Variants in BPTF observed in about 807,000 individuals in gnomAD.
BPTF encodes nucleosome-remodeling factor subunit BPTF.
A neutral mutation model predicts 292.5 loss-of-function variants in BPTF; 18 were observed. The ratio of observed to expected loss-of-function variants is 0.06; its 90% CI spans 0.04 to 0.09. The LOEUF is 0.09. Among genes scored for constraint, BPTF ranks in the 10% least tolerant of loss-of-function variants. The probability of loss-of-function intolerance (pLI) is 1.00; values close to 1 mark genes in which losing one functional copy is unlikely to be tolerated. For missense variants in BPTF, 2,726 were observed against 3,498.7 expected, an observed-to-expected ratio of 0.78 and a Z score of 5.57; for synonymous variants, 1,225 against 1,251.9, an observed-to-expected ratio of 0.98 and a Z score of 0.45.
At chr17:67,920,791 AT>A (rs2063379836) in intron 13 of BPTF, among the ~76,000 whole-genome samples, 1 of 152,216 alleles carries the variant, frequency 6.6e-6, no homozygotes, top group African/African-American at 2.4e-5. Context: ...TACTTAGAAA[AT>A]TCATGAGAAT....
Position 67,877,657 on chromosome 17 carries a change from C to G in BPTF, c.1864+2637C>G, listed in dbSNP as rs567091449. ...TTTTTGAGAGAGAGTCTCACTCTTT[C>G]ACCCAGGCTGGAGTACAGTGACGTG... On this transcript the variant is annotated intron_variant, in intron 4 of 27. Coordinates refer to ENST00000306378, the MANE Select transcript of BPTF (RefSeq NM_182641.4). Among the ~76,000 whole-genome samples the G allele has an allele frequency of 7.0e-4, 107 of 152,192 alleles. 1 individual carries two copies. Among genetic ancestry groups the G allele is most frequent in the African/African-American group, 2.4e-3 (98 of 41,534 alleles).
chr17:67,866,556 A>G lies in BPTF; in HGVS notation c.1529A>G (p.Asp510Gly), dbSNP rs1195176936. Residue 510 changes from aspartate (D) to glycine (G), a missense_variant, in exon 3 of 28, where the codon GAT becomes GGT. Asp to Gly is a moderately conservative substitution (Grantham distance 94). Transcript: ENST00000306378. ...GAATTAATTGACTGTCTAGACAAAG[A>G]TTATTGGGAAGCAGAACTCTGCAAA... ...LAELIDCLDK[D>G]YWEAELCKIL... The G allele has an allele frequency of 6.2e-7, 1 of 1,614,156 alleles. No individual in the cohort carries two copies. The highest frequency in any genetic ancestry group is 1.1e-5 in the South Asian group (1 of 91,088).
intron 1 of BPTF, 51 bp downstream of exon 1, chr17:67,826,388 T>G (rs754903159): frequency 7.2e-7 from 1 of 1,394,828 alleles, no homozygotes. Context: ...TCCTCTGCCC[T>G]CCCCCCTTGC....
intron 1 of BPTF, among the ~76,000 whole-genome samples, chr17:67,840,104 A>ATT (rs113437066): frequency 2.9e-5 from 4 of 139,230 alleles, no homozygotes; most frequent in Admixed American, 1.5e-4. Flanking sequence ...AAAAATACTG[A>ATT]TTTTTTTTTT....
rs2062681099 is a variant in BPTF, at chr17:67,911,938, A to G, written c.4054A>G (p.Lys1352Glu). ...AAACTGTGAGGACAGGCTGCCGGTC[A>G]AGGGGACTGAAGCAAATGGTAAAAA... ...TGNCEDRLPVKGTEANGKKPS... is the reference protein window; with the variant it reads ...TGNCEDRLPVEGTEANGKKPS... The change falls in exon 11 of 28, where the codon AAG becomes GAG. Residue 1352 changes from lysine (K) to glutamate (E), a missense_variant. Physicochemically the swap from Lys to Glu is moderately conservative, Grantham distance 56. Coordinates refer to ENST00000306378, the MANE Select transcript of BPTF (RefSeq NM_182641.4). 6.2e-7 allele frequency: 1 copy of G among 1,614,192 alleles called. No individual in the cohort carries two copies. The highest frequency in any genetic ancestry group is 1.6e-4 in the Middle Eastern group (1 of 6,062).
In BPTF at chr17:67,946,417, A is replaced by C. The variant is rs144428920; in HGVS notation, c.7617+92A>C. 41 of 1,503,914 alleles carry C rather than the reference A, an allele frequency of 2.7e-5. No homozygotes were observed. The African/African-American group carries it at 5.6e-4, about 21-fold the overall frequency. 93.2% of individuals were successfully genotyped at this position (1,503,914 alleles called of 1,614,324 possible). The stretch of plus-strand genomic sequence containing the variant: ...TGTTTGGTTGTGTTAGGTTTCCTAA[A>C]TGAGACAAAGTCATTAATGTTTAAA... On this transcript the variant is annotated intron_variant, in intron 21 of 27. Coordinates refer to ENST00000306378, the MANE Select transcript of BPTF (RefSeq NM_182641.4).
intron 25 of BPTF, chr17:67,966,248 T>C (rs1383502188): frequency 8.1e-6 from 2 of 246,232 alleles, no homozygotes; most frequent in Non-Finnish European, 1.6e-5. Context: ...TTTGAACCCA[T>C]CCCACCTGTT....
intron 7 of BPTF, among the ~76,000 whole-genome samples, chr17:67,900,699 T>C (rs2061773305): frequency 6.6e-6 from 1 of 152,110 alleles, no homozygotes; most frequent in African/African-American, 2.4e-5. Context: ...GATACTAATA[T>C]TTGATCTAGA....
intron 4 of BPTF, chr17:67,886,183 C>G (rs1323164517): frequency 6.2e-7 from 1 of 1,613,766 alleles, no homozygotes; most frequent in Non-Finnish European, 8.5e-7. Flanking sequence ...CTACCTCCAT[C>G]CAGCCTAATC....
chr17:67,966,112 G>A (rs1417541052), intron 25 of BPTF: 1 of 160,280 alleles, frequency 6.2e-6, no homozygotes, highest in Non-Finnish European at 1.4e-5. Context: ...TTCTCCTGTC[G>A]TTATCATAAT....
intron 7 of BPTF, among the ~76,000 whole-genome samples, chr17:67,898,921 C>G (rs548045223): frequency 2.5e-5 from 2 of 80,008 alleles, no homozygotes; most frequent in South Asian, 8.2e-4. Flanking sequence ...TACCCTGTCT[C>G]AAAAAAAAAA....
intron 24 of BPTF, among the ~76,000 whole-genome samples, chr17:67,961,854 A>T (rs1276613667): frequency 6.6e-6 from 1 of 152,094 alleles, no homozygotes; most frequent in Admixed American, 6.5e-5. Flanking sequence ...CACACCTGTA[A>T]TCCCAGCTAC....
At chr17:67,902,019 T>A (rs1160550718) in intron 7 of BPTF, among the ~76,000 whole-genome samples, 1 of 152,194 alleles carries the variant, frequency 6.6e-6, no homozygotes, top group Non-Finnish European at 1.5e-5. Flanking sequence ...TTGGACTTCG[T>A]TGGCCAAGAA....
intron 1 of BPTF, among the ~76,000 whole-genome samples, chr17:67,851,134 G>T (rs1230427506): frequency 6.6e-6 from 1 of 152,120 alleles, no homozygotes; most frequent in East Asian, 1.9e-4. Context: ...ACAAGGAGAG[G>T]TCTCATGAAG....
intron 25 of BPTF, chr17:67,965,881 A>AC (rs1212813307): frequency 6.6e-6 from 1 of 151,472 alleles, no homozygotes; most frequent in Non-Finnish European, 1.5e-5. Context: ...ACAAAGTGAG[A>AC]CCCCCACCTC....
At chr17:67,882,811 A>C (rs2060503103) in intron 4 of BPTF, among the ~76,000 whole-genome samples, 1 of 151,752 alleles carries the variant, frequency 6.6e-6, no homozygotes, top group Non-Finnish European at 1.5e-5. Context: ...GTTCAAGACC[A>C]GCCTGCCCAA....
At chr17:67,897,396 A>G (rs967112527) in intron 7 of BPTF, among the ~76,000 whole-genome samples, 12 of 151,226 alleles carry the variant, frequency 7.9e-5, no homozygotes, top group African/African-American at 2.9e-4. Flanking sequence ...ATACTAACCA[A>G]TATTTCTGAT....
intron 23 of BPTF, among the ~76,000 whole-genome samples, chr17:67,958,462 T>C (rs183450639): frequency 6.6e-6 from 1 of 152,256 alleles, no homozygotes; most frequent in Non-Finnish European, 1.5e-5. Flanking sequence ...GCAGTGTGGC[T>C]CACACCTGTA....
At chr17:67,907,531 T>C (rs1325382561) in intron 9 of BPTF, among the ~76,000 whole-genome samples, 1 of 152,004 alleles carries the variant, frequency 6.6e-6, no homozygotes, top group Non-Finnish European at 1.5e-5. Context: ...AATTTTTGTA[T>C]TTTTAATAGA....
Sources: allele counts gnomAD v4.1 joint callset (sites outside exome capture counted in the v4.1 genomes callset), GRCh38; gene constraint gnomAD v4.1.1; transcripts MANE v1.5; gene names NCBI Gene and HGNC (gene_info 2026-07-23, HGNC 2026-07-21).